KRTAP17-1: variants seen among roughly 807,000 people sequenced by gnomAD.
KRTAP17-1 encodes the protein keratin-associated protein 17-1.
KRTAP17-1 carries 2 observed loss-of-function variants against 10.4 expected under a neutral mutation model. The ratio of observed to expected loss-of-function variants is 0.19; its 90% CI spans 0.08 to 0.61. The LOEUF is 0.61. Among genes scored for constraint, KRTAP17-1 ranks in the 20% least tolerant of loss-of-function variants. KRTAP17-1 has a pLI of 0.89. For synonymous variants in KRTAP17-1, 62 were observed against 52.7 expected (o/e 1.18, Z -0.77); for missense variants, 143 against 136.8 (o/e 1.05, Z -0.23).
Position 41,315,251 on chromosome 17 carries a change from A to C in KRTAP17-1, c.*82T>G. 3 of 1,350,674 alleles carry C rather than the reference A, an allele frequency of 2.2e-6. No individual in the cohort carries two copies. Among genetic ancestry groups the C allele is most frequent in the Non-Finnish European group, 2.0e-6 (2 of 982,624 alleles). The allele number at this position is 1,350,674 out of a possible 1,614,324, so 83.7% of individuals were successfully genotyped here. On this transcript the variant is annotated 3_prime_UTR_variant, in exon 1 of 1. Coordinates refer to ENST00000334202, the MANE Select transcript of KRTAP17-1 (RefSeq NM_031964.2). The stretch of plus-strand genomic sequence containing the variant: ...CAAGACACTGTCTTGGGGGTATGGA[A>C]GGTTCTGGACACGAGGGGCTGTCCC...
chr17:41,315,601 T>C lies in KRTAP17-1; in HGVS notation c.50A>G (p.Asn17Ser). The change falls in exon 1 of 1, where the codon AAC becomes AGC. Residue 17 changes from asparagine (N) to serine (S), a missense_variant. Physicochemically the swap from Asn to Ser is conservative, Grantham distance 46. Coordinates refer to ENST00000334202, the MANE Select transcript of KRTAP17-1 (RefSeq NM_031964.2). ...CTGACAGCAGCACTCTTCACAGCAGTTTTGCTCCTGGGTGCAGCAGGTGAA... is the reference window on the plus strand; with the variant it reads ...CTGACAGCAGCACTCTTCACAGCAGCTTTGCTCCTGGGTGCAGCAGGTGAA... Reference protein sequence around the residue: ...DCFTCCTQEQNCCEECCCQPG... With the variant: ...DCFTCCTQEQSCCEECCCQPG... The C allele has an allele frequency of 6.2e-7, 1 of 1,613,340 alleles. No homozygotes were observed. Among genetic ancestry groups the C allele is most frequent in the Non-Finnish European group, 8.5e-7 (1 of 1,179,600 alleles).
In KRTAP17-1 at chr17:41,315,326, A is replaced by C; in HGVS notation, c.*7T>G. On this transcript the variant is annotated 3_prime_UTR_variant, in exon 1 of 1. Coordinates refer to ENST00000334202, the MANE Select transcript of KRTAP17-1 (RefSeq NM_031964.2). Reference sequence around the variant, plus strand: ...TGGGACTGCATCAGTGGTGGAGGGAAAGGTCTTCATTTTGTGTCGCATATA... The same window carrying C: ...TGGGACTGCATCAGTGGTGGAGGGACAGGTCTTCATTTTGTGTCGCATATA... 6.3e-7 allele frequency: 1 copy of C among 1,596,934 alleles called. No individual in the cohort carries two copies. Among genetic ancestry groups the C allele is most frequent in the South Asian group, 1.1e-5 (1 of 89,986 alleles).
At position 41,315,057 on chromosome 17, in the gene KRTAP17-1, T is replaced by A. The variant is rs1004861315; in HGVS notation, c.*276A>T. The A allele has an allele frequency of 2.2e-6, 1 of 459,928 alleles. No individual in the cohort carries two copies. Among genetic ancestry groups the A allele is most frequent in the African/African-American group, 1.9e-5 (1 of 51,536 alleles). 28.5% of individuals were successfully genotyped at this position (459,928 alleles called of 1,614,324 possible). A position where few individuals can be genotyped will look rare whatever the true frequency, so the allele number is the denominator to read the frequency against. ...GAGGATGTCTTATAGTACAAGACAT[T>A]GAACTTCATGTGAATAAGTAAAGTA... On this transcript the variant is annotated 3_prime_UTR_variant, in exon 1 of 1. Coordinates refer to ENST00000334202, the MANE Select transcript of KRTAP17-1 (RefSeq NM_031964.2).
At position 41,315,707 on chromosome 17, in the gene KRTAP17-1, C is replaced by T. The variant is rs9895235; in HGVS notation, c.-57G>A. On this transcript the variant is annotated 5_prime_UTR_variant, in exon 1 of 1. Transcript: ENST00000334202. ...CGCAGCCGGAGTTCCCCACGACTGA[C>T]GGTGGCCAGCCATCTGGATGGCAGC... 2.9e-4 allele frequency: 435 copies of T among 1,486,388 alleles called. 1 individual carries two copies. In the African/African-American group the frequency reaches 4.6e-3, roughly 16 times the overall value. The allele number at this position is 1,486,388 out of a possible 1,614,324, so 92.1% of individuals were successfully genotyped here. A position where few individuals can be genotyped will look rare whatever the true frequency, so the allele number is the denominator to read the frequency against.
rs770544729 is a variant in KRTAP17-1, at chr17:41,315,622, G to A, written c.29C>T (p.Thr10Ile). 2 of 1,611,790 alleles carry A rather than the reference G, an allele frequency of 1.2e-6. No homozygotes were observed. Among genetic ancestry groups the A allele is most frequent in the African/African-American group, 1.3e-5 (1 of 74,906 alleles). MGCCPGDCF[T>I]CCTQEQNCCE... Reference sequence around the variant, plus strand: ...GCAGTTTTGCTCCTGGGTGCAGCAGGTGAAGCAGTCCCCCGGGCAGCACCC... The same window carrying A: ...GCAGTTTTGCTCCTGGGTGCAGCAGATGAAGCAGTCCCCCGGGCAGCACCC... Residue 10 changes from threonine to isoleucine, a missense_variant, in exon 1 of 1, where the codon ACC (threonine) becomes ATC (isoleucine). By Grantham distance (89) the Thr-to-Ile change is moderately conservative. Transcript: ENST00000334202.
rs1256237636 is a variant in KRTAP17-1, at chr17:41,315,553, C to T, written c.98G>A (p.Gly33Asp). ...CCQPGCCGCC[G>D]SCCGCGGSGC... Reference sequence around the variant, plus strand: ...AGAGCCCCCACAGCCACAGCAGGAGCCGCAGCAGCCACAGCAGCCCGGCTG... The same window carrying T: ...AGAGCCCCCACAGCCACAGCAGGAGTCGCAGCAGCCACAGCAGCCCGGCTG... Residue 33 changes from glycine to aspartate, a missense_variant, in exon 1 of 1, where the codon GGC becomes GAC. By Grantham distance (94) the Gly-to-Asp change is moderately conservative (BLOSUM62 -1). Transcript: ENST00000334202. 1 of 1,612,034 alleles carries T rather than the reference C, an allele frequency of 6.2e-7. No homozygotes were observed. The highest frequency in any genetic ancestry group is 8.5e-7 in the Non-Finnish European group (1 of 1,179,264).
rs2017039952 is a variant in KRTAP17-1, at chr17:41,315,031, A to C, written c.*302T>G. 3.0e-6 allele frequency: 1 copy of C among 331,074 alleles called. No homozygotes were observed. The highest frequency in any genetic ancestry group is 5.5e-6 in the Non-Finnish European group (1 of 180,982). 20.5% of individuals were successfully genotyped at this position (331,074 alleles called of 1,614,324 possible). On this transcript the variant is annotated 3_prime_UTR_variant, in exon 1 of 1. Coordinates refer to ENST00000334202, the MANE Select transcript of KRTAP17-1 (RefSeq NM_031964.2). ...ATCAGTCCCAAAGACACCTTGAAGA[A>C]GAGGATGTCTTATAGTACAAGACAT...
rs12449671 is a variant in KRTAP17-1, at chr17:41,315,677, G to A, written c.-27C>T. 0.18 allele frequency: 273,829 copies of A among 1,561,386 alleles called. 24,937 individuals are homozygous for A. Among genetic ancestry groups the A allele is most frequent in the East Asian group, 0.3 (13,278 of 44,212 alleles). ...GTCCGGGCCCGTCAGCTCGCAGGTC[G>A]GTAACGCAGCCGGAGTTCCCCACGA... On this transcript the variant is annotated 5_prime_UTR_variant, in exon 1 of 1. Transcript: ENST00000334202.
At position 41,315,686 on chromosome 17, in the gene KRTAP17-1, G is replaced by C. The variant is rs1489091495; in HGVS notation, c.-36C>G. 3.9e-6 allele frequency: 6 copies of C among 1,551,162 alleles called. No individual in the cohort carries two copies. Among genetic ancestry groups the C allele is most frequent in the Non-Finnish European group, 1.7e-6 (2 of 1,144,008 alleles). ...CGTCAGCTCGCAGGTCGGTAACGCA[G>C]CCGGAGTTCCCCACGACTGACGGTG... On this transcript the variant is annotated 5_prime_UTR_variant, in exon 1 of 1. Transcript: ENST00000334202.
At position 41,315,507 on chromosome 17, in the gene KRTAP17-1, G is replaced by A. The variant is rs373758570; in HGVS notation, c.144C>T (p.Cys48=). The A allele has an allele frequency of 1.9e-6, 2 of 1,075,038 alleles. No homozygotes were observed. Among genetic ancestry groups the A allele is most frequent in the Admixed American group, 2.3e-5 (1 of 43,580 alleles). 66.6% of individuals were successfully genotyped at this position (1,075,038 alleles called of 1,614,324 possible). The part of the protein sequence containing the change: ...CGGSGCGGSG[C]GGSCCGSSCC... Reference sequence around the variant, plus strand: ...AAGACGATCCGCAGCAGCTGCCCCCGCAGCCAGAGCCCCCGCAGCCAGAGC... The same window carrying A: ...AAGACGATCCGCAGCAGCTGCCCCCACAGCCAGAGCCCCCGCAGCCAGAGC... Residue 48 remains cysteine (C), a synonymous_variant, in exon 1 of 1, where the codon TGC becomes TGT. Coordinates refer to ENST00000334202, the MANE Select transcript of KRTAP17-1 (RefSeq NM_031964.2).
Position 41,315,448 on chromosome 17 carries a change from C to T in KRTAP17-1, c.203G>A (p.Cys68Tyr). The T allele has an allele frequency of 6.2e-7, 1 of 1,601,632 alleles. No individual in the cohort carries two copies. Among genetic ancestry groups the T allele is most frequent in the South Asian group, 1.1e-5 (1 of 90,134 alleles). The change falls in exon 1 of 1, where the codon TGC (cysteine) becomes TAC (tyrosine). Residue 68 changes from cysteine (C) to tyrosine (Y), a missense_variant. Coordinates refer to ENST00000334202, the MANE Select transcript of KRTAP17-1 (RefSeq NM_031964.2). ...CGSGCGGCGG[C>Y]GGCGGGCCGS... ...ACAGCAGCCACCCCCGCAGCCTCCG[C>T]AGCCTCCACAGCCTCCGCAGCCAGA...
In KRTAP17-1 at chr17:41,315,472, G is replaced by T. The variant is rs1401447395; in HGVS notation, c.179C>A (p.Ser60Tyr). ...GCAGCCTCCACAGCCTCCGCAGCCAGATCCACAGCAAGACGATCCGCAGCA... is the reference window on the plus strand; with the variant it reads ...GCAGCCTCCACAGCCTCCGCAGCCATATCCACAGCAAGACGATCCGCAGCA... ...GSCCGSSCCG[S>Y]GCGGCGGCGG... Residue 60 changes from serine (S) to tyrosine (Y), a missense_variant, in exon 1 of 1, where the codon TCT (serine) becomes TAT (tyrosine). Transcript: ENST00000334202. The T allele has an allele frequency of 6.3e-7, 1 of 1,598,888 alleles. No homozygotes were observed. Among genetic ancestry groups the T allele is most frequent in the East Asian group, 2.3e-5 (1 of 44,228 alleles).
chr17:41,315,573 C>A lies in KRTAP17-1; in HGVS notation c.78G>T (p.Pro26=). ...AGGAGCCGCAGCAGCCACAGCAGCCCGGCTGACAGCAGCACTCTTCACAGC... is the reference window on the plus strand; with the variant it reads ...AGGAGCCGCAGCAGCCACAGCAGCCAGGCTGACAGCAGCACTCTTCACAGC... ...QNCCEECCCQ[P]GCCGCCGSCC... is the part of the protein sequence containing the mutation. Residue 26 remains proline, a synonymous_variant, in exon 1 of 1, where the codon CCG becomes CCT. Transcript: ENST00000334202. 2 of 1,613,580 alleles carry A rather than the reference C, an allele frequency of 1.2e-6. No homozygotes were observed. The highest frequency in any genetic ancestry group is 1.1e-5 in the South Asian group (1 of 90,994).
In KRTAP17-1 at chr17:41,315,408, A is replaced by G; in HGVS notation, c.243T>C (p.Cys81=). The G allele has an allele frequency of 6.2e-7, 1 of 1,612,608 alleles. No individual in the cohort carries two copies. The highest frequency in any genetic ancestry group is 8.5e-7 in the Non-Finnish European group (1 of 1,179,698). The change falls in exon 1 of 1, where the codon TGT becomes TGC. Residue 81 remains cysteine (C), a synonymous_variant. Coordinates refer to ENST00000334202, the MANE Select transcript of KRTAP17-1 (RefSeq NM_031964.2). The part of the protein sequence containing the change: ...CGGGCCGSSC[C]GSSCCGSGCC... ...ACCCGGAGCCGCAGCAACTGGACCC[A>G]CAGCAACTGGATCCACAGCAGCCAC...
In KRTAP17-1 at chr17:41,315,035, G is replaced by C. The variant is rs1305868219; in HGVS notation, c.*298C>G. The C allele has an allele frequency of 8.7e-6, 3 of 343,438 alleles. No individual in the cohort carries two copies. The highest frequency in any genetic ancestry group is 2.1e-5 in the African/African-American group (1 of 48,056). The allele number at this position is 343,438 out of a possible 1,614,324, so 21.3% of individuals were successfully genotyped here. A position where few individuals can be genotyped will look rare whatever the true frequency, so the allele number is the denominator to read the frequency against. On this transcript the variant is annotated 3_prime_UTR_variant, in exon 1 of 1. Transcript: ENST00000334202. ...GTCCCAAAGACACCTTGAAGAAGAG[G>C]ATGTCTTATAGTACAAGACATTGAA...
In KRTAP17-1 at chr17:41,315,288, T is replaced by C. The variant is rs1256819600; in HGVS notation, c.*45A>G. On this transcript the variant is annotated 3_prime_UTR_variant, in exon 1 of 1. Coordinates refer to ENST00000334202, the MANE Select transcript of KRTAP17-1 (RefSeq NM_031964.2). The stretch of plus-strand genomic sequence containing the variant: ...CGAGGGGCTGTCCCCCTGGAGCAGA[T>C]GGAGGCTTTCGGTGGGACTGCATCA... The C allele has an allele frequency of 6.5e-7, 1 of 1,547,480 alleles. No individual in the cohort carries two copies. Among genetic ancestry groups the C allele is most frequent in the African/African-American group, 1.4e-5 (1 of 74,056 alleles).
At position 41,315,633 on chromosome 17, in the gene KRTAP17-1, C is replaced by G. The variant is rs764939043; in HGVS notation, c.18G>C (p.Gly6=). 1 of 1,607,402 alleles carries G rather than the reference C, an allele frequency of 6.2e-7. No homozygotes were observed. The highest frequency in any genetic ancestry group is 8.5e-7 in the Non-Finnish European group (1 of 1,175,624). The change falls in exon 1 of 1, where the codon GGG becomes GGC. Residue 6 remains glycine (G), a synonymous_variant. Coordinates refer to ENST00000334202, the MANE Select transcript of KRTAP17-1 (RefSeq NM_031964.2). MGCCP[G]DCFTCCTQEQ... is the part of the protein sequence containing the mutation. ...CCTGGGTGCAGCAGGTGAAGCAGTC[C>G]CCCGGGCAGCACCCCATGGTCCGGG... is the stretch of plus-strand genomic sequence containing the variant.
At position 41,315,392 on chromosome 17, in the gene KRTAP17-1, C is replaced by T. The variant is rs764404635; in HGVS notation, c.259G>A (p.Gly87Ser). Residue 87 changes from glycine (G) to serine (S), a missense_variant, in exon 1 of 1, where the codon GGC becomes AGC. Transcript: ENST00000334202. The part of the protein sequence containing the change: ...GSSCCGSSCC[G>S]SGCCGPVCCQ... ...CACACAGGCCCACAGCACCCGGAGC[C>T]GCAGCAACTGGACCCACAGCAACTG... 8 of 1,612,592 alleles carry T rather than the reference C, an allele frequency of 5.0e-6. No individual in the cohort carries two copies. Among genetic ancestry groups the T allele is most frequent in the African/African-American group, 2.7e-5 (2 of 74,994 alleles).
chr17:41,315,500 TGCCC>T lies in KRTAP17-1; in HGVS notation c.147_150del (p.Gly50AlafsTer63). The T allele has an allele frequency of 6.2e-7, 1 of 1,602,098 alleles. No homozygotes were observed. The highest frequency in any genetic ancestry group is 8.5e-7 in the Non-Finnish European group (1 of 1,174,748). On this transcript the variant is annotated frameshift_variant, in exon 1 of 1. Transcript: ENST00000334202. LOFTEE classifies it high-confidence loss of function. ...CCACAGCAAGACGATCCGCAGCAGCTGCCCCCGCAGCCAGAGCCCCCGCAGCCAG... is the reference window on the plus strand; with the variant it reads ...CCACAGCAAGACGATCCGCAGCAGCTCCGCAGCCAGAGCCCCCGCAGCCAG...
Sources: allele counts gnomAD v4.1 joint callset, GRCh38; gene constraint gnomAD v4.1.1; transcripts MANE v1.5; gene names NCBI Gene and HGNC (gene_info 2026-07-23, HGNC 2026-07-21).